Variants in FAM220A observed in about 807,000 individuals in gnomAD.
The protein encoded by FAM220A is protein FAM220A.
For synonymous variants in FAM220A, 141 were observed against 130.7 expected, an observed-to-expected ratio of 1.08 and a Z score of -0.54; for missense variants, 392 against 321.6, an observed-to-expected ratio of 1.22 and a Z score of -1.68.
At chr7:6,347,842 C>T (rs147113348) in intron 1 of FAM220A, among the ~76,000 whole-genome samples, 5,135 of 150,482 alleles carry the variant, frequency 0.034, 263 homozygotes, top group African/African-American at 0.11. Flanking sequence ...TCTCTTGAGG[C>T]CAGGAGTTCG....
intron 1 of FAM220A, among the ~76,000 whole-genome samples, chr7:6,343,577 T>C (rs1026212488): frequency 1.3e-5 from 2 of 151,772 alleles, no homozygotes; most frequent in Non-Finnish European, 2.9e-5. Context: ...TAGTATTTGG[T>C]ATTGATTCCA....
intron 1 of FAM220A, among the ~76,000 whole-genome samples, chr7:6,347,883 T>TTTTATTATTAA (rs376869408): frequency 7.6e-6 from 1 of 131,538 alleles, no homozygotes; most frequent in African/African-American, 2.8e-5. Context: ...ACGAGACCCC[T>TTTTATTATTAA]TTATTATTAT....
At chr7:6,338,188 T>C (rs1017811673) in intron 1 of FAM220A, among the ~76,000 whole-genome samples, 1 of 152,202 alleles carries the variant, frequency 6.6e-6, no homozygotes, top group South Asian at 2.1e-4. Context: ...GTTATACATA[T>C]TACCTGTATT....
At chr7:6,331,791 A>G (rs1781641889) in intron 1 of FAM220A, among the ~76,000 whole-genome samples, 1 of 135,252 alleles carries the variant, frequency 7.4e-6, no homozygotes, top group Non-Finnish European at 1.5e-5. Context: ...CCTAGGCTGG[A>G]GTGCAATGGC....
At position 6,348,720 on chromosome 7, in the gene FAM220A, C is replaced by T. The variant is rs1285060308; in HGVS notation, c.-229G>A. The T allele has an allele frequency of 7.2e-6, 3 of 419,204 alleles. No individual in the cohort carries two copies. The South Asian group carries it at 2.1e-4, about 30-fold the overall frequency. The allele number at this position is 419,204 out of a possible 1,614,324, so 26.0% of individuals were successfully genotyped here. On this transcript the variant is annotated 5_prime_UTR_variant, in exon 1 of 2. Coordinates refer to ENST00000313324, the MANE Select transcript of FAM220A (RefSeq NM_001037163.2). The stretch of plus-strand genomic sequence containing the variant: ...CATAGGAGCGGGCGGCGGCCGAGCG[C>T]GAGAGCCGGACAGCCAGGCCCGACA...
At chr7:6,334,159 C>CT (rs1326952997) in intron 1 of FAM220A, among the ~76,000 whole-genome samples, 1 of 151,342 alleles carries the variant, frequency 6.6e-6, no homozygotes, top group East Asian at 2.0e-4. Flanking sequence ...CTCCTGGTCT[C>CT]TTAAGTGCTC....
At chr7:6,344,232 C>A (rs1781917995) in intron 1 of FAM220A, among the ~76,000 whole-genome samples, 1 of 151,826 alleles carries the variant, frequency 6.6e-6, no homozygotes, top group Admixed American at 6.6e-5. Flanking sequence ...CAGAAAGCCA[C>A]AAAAATTAAA....
At chr7:6,339,208 C>T (rs941865399) in intron 1 of FAM220A, among the ~76,000 whole-genome samples, 3 of 152,142 alleles carry the variant, frequency 2.0e-5, no homozygotes, top group African/African-American at 4.8e-5. Flanking sequence ...TGGCTCACAC[C>T]TGTAATCCCA....
intron 1 of FAM220A, among the ~76,000 whole-genome samples, chr7:6,336,676 T>G (rs1781753968): frequency 7.1e-6 from 1 of 140,528 alleles, no homozygotes; most frequent in African/African-American, 2.7e-5. Context: ...CGAGCAAGAC[T>G]TTGTCCAAAA....
At chr7:6,337,828 G>C (rs1289395172) in intron 1 of FAM220A, among the ~76,000 whole-genome samples, 1 of 145,900 alleles carries the variant, frequency 6.9e-6, no homozygotes, top group Non-Finnish European at 1.5e-5. Flanking sequence ...TTTTGAGACA[G>C]AGTCTTGCTC....
chr7:6,336,769 C>T (rs1006725497), intron 1 of FAM220A, among the ~76,000 whole-genome samples: 4 of 151,566 alleles, frequency 2.6e-5, no homozygotes, highest in Non-Finnish European at 5.9e-5. Flanking sequence ...ATCACCTCAC[C>T]TTAGCCTCCC....
chr7:6,336,117 A>G (rs1781741192), intron 1 of FAM220A, among the ~76,000 whole-genome samples: 1 of 151,116 alleles, frequency 6.6e-6, no homozygotes, highest in African/African-American at 2.4e-5. Context: ...AGGTTACAGT[A>G]AGCCAAGATA....
At chr7:6,333,912 T>C (rs1036514269) in intron 1 of FAM220A, among the ~76,000 whole-genome samples, 3 of 143,234 alleles carry the variant, frequency 2.1e-5, no homozygotes, top group African/African-American at 5.1e-5. Flanking sequence ...AGTGGCGCCA[T>C]CTCAGCTCAC....
At chr7:6,338,193 T>C (rs1781782893) in intron 1 of FAM220A, among the ~76,000 whole-genome samples, 1 of 152,184 alleles carries the variant, frequency 6.6e-6, no homozygotes, top group Non-Finnish European at 1.5e-5. Context: ...ACATATTACC[T>C]GTATTCTGAG....
chr7:6,345,186 C>T (rs1167357714), intron 1 of FAM220A, among the ~76,000 whole-genome samples: 2 of 151,850 alleles, frequency 1.3e-5, no homozygotes, highest in South Asian at 2.1e-4. Context: ...ATCATGATCA[C>T]GGCTCACTGC....
chr7:6,335,983 G>GTCTACAC (rs1781738393), intron 1 of FAM220A, among the ~76,000 whole-genome samples: 1 of 151,990 alleles, frequency 6.6e-6, no homozygotes, highest in African/African-American at 2.4e-5. Context: ...GATCAGCCTG[G>GTCTACAC]TCTACACGGT....
rs1351267090 is a variant in FAM220A, at chr7:6,330,688, G to A, written c.467C>T (p.Pro156Leu). The A allele has an allele frequency of 2.5e-6, 4 of 1,613,976 alleles. No individual in the cohort carries two copies. Among genetic ancestry groups the A allele is most frequent in the East Asian group, 2.2e-5 (1 of 44,886 alleles). The change falls in exon 2 of 2, where the codon CCA becomes CTA. Residue 156 changes from proline to leucine, a missense_variant. Physicochemically the swap from Pro to Leu is moderately conservative, Grantham distance 98. Transcript: ENST00000313324. ...CATTTCCGGCACTTTTTGATGGCGT[G>A]GCAGTCGTGACACCCGAGGCTCTCC... ...PKGEPRVSRL[P>L]RHQKVPEMGS...
intron 1 of FAM220A, among the ~76,000 whole-genome samples, chr7:6,334,444 G>A (rs1781706167): frequency 6.6e-6 from 1 of 151,892 alleles, no homozygotes; most frequent in Non-Finnish European, 1.5e-5. Context: ...GGTGAGGCAG[G>A]AGAACAGCTT....
chr7:6,341,349 A>G (rs867986650), intron 1 of FAM220A, among the ~76,000 whole-genome samples: 4 of 150,634 alleles, frequency 2.7e-5, no homozygotes, highest in South Asian at 4.2e-4. Flanking sequence ...AGGCTGAGGC[A>G]GGAGAATGGT....
Sources: gnomAD v4.1 joint callset for allele counts (sites outside exome capture counted in the v4.1 genomes callset) on GRCh38, gnomAD v4.1.1 for gene constraint, MANE v1.5 for transcripts, NCBI Gene and HGNC (gene_info 2026-07-23, HGNC 2026-07-21) for gene names.